Variants in SLC22A25 observed in about 807,000 individuals in gnomAD.
SLC22A25 encodes the protein solute carrier family 22 member 25.
Under a neutral mutation model 45.9 loss-of-function variants are expected in SLC22A25, and 44 were observed. The ratio of observed to expected loss-of-function variants is 0.96; its 90% confidence interval spans 0.75 to 1.23. The LOEUF (loss-of-function observed/expected upper bound fraction) is 1.23. Among genes scored for constraint, SLC22A25 ranks in the 50% most tolerant of loss-of-function variants. The probability of loss-of-function intolerance (pLI) is 0.00; values close to 1 mark genes in which losing one functional copy is unlikely to be tolerated. For synonymous variants in SLC22A25, 283 were observed against 238.6 expected, an observed-to-expected ratio of 1.19 and a Z score of -1.72; for missense variants, 800 against 666.4, an observed-to-expected ratio of 1.20 and a Z score of -2.21.
chr11:63,234,760 T>C (rs1207451549), intron 3 of SLC22A25, among the ~76,000 whole-genome samples: 1 of 152,234 alleles, frequency 6.6e-6, no homozygotes, highest in Non-Finnish European at 1.5e-5. Flanking sequence ...TGGCATGTTG[T>C]TGCAGTGGCT....
intron 9 of SLC22A25, among the ~76,000 whole-genome samples, chr11:63,179,334 C>T (rs903548762): frequency 5.3e-5 from 8 of 151,992 alleles, no homozygotes; most frequent in African/African-American, 1.2e-4. Context: ...TCTGTTTCTT[C>T]GTGTTCTTTG....
chr11:63,188,414 C>T (rs557049103), intron 7 of SLC22A25, among the ~76,000 whole-genome samples: 127 of 152,002 alleles, frequency 8.4e-4, no homozygotes, highest in South Asian at 5.6e-3. Flanking sequence ...TTTTTTATTG[C>T]GTCTATTTGA....
intron 11 of SLC22A25, 41 bp downstream of exon 11, chr11:63,164,485 G>T: frequency 2.6e-6 from 4 of 1,533,108 alleles, no homozygotes; most frequent in Non-Finnish European, 3.6e-6. Flanking sequence ...GTTGAGACAG[G>T]TCCATTTTGA....
Position 63,217,471 on chromosome 11 carries a change from T to G in SLC22A25, c.673A>C (p.Ile225Leu). The stretch of plus-strand genomic sequence containing the variant: ...GCCATGGCACAGAATTGGTGAGTTA[T>G]CCACTCTACAACTGAAAGAAAACAC... ...VNTVLLIVEW[I>L]THQFCAMALT... Residue 225 changes from isoleucine (I) to leucine (L), a missense_variant, in exon 7 of 12, where the codon ATA (isoleucine) becomes CTA (leucine). Ile to Leu is a conservative substitution (Grantham distance 5). Transcript: ENST00000306494. The G allele has an allele frequency of 6.2e-7, 1 of 1,614,016 alleles. No homozygotes were observed. The highest frequency in any genetic ancestry group is 8.5e-7 in the Non-Finnish European group (1 of 1,179,986).
At chr11:63,237,836 A>G (rs1255619888) in intron 3 of SLC22A25, 45 bp downstream of exon 3, 1 of 152,182 alleles carries the variant, frequency 6.6e-6, no homozygotes, top group African/African-American at 2.4e-5. Flanking sequence ...TGCAATAAAT[A>G]TTTCTCAATG....
intron 7 of SLC22A25, among the ~76,000 whole-genome samples, chr11:63,217,020 G>C (rs898061294): frequency 5.3e-5 from 8 of 151,984 alleles, no homozygotes; most frequent in Non-Finnish European, 1.2e-4. Flanking sequence ...TGAATATTTG[G>C]GTGAAATAAA....
chr11:63,204,444 T>A (rs147615918), intron 7 of SLC22A25, among the ~76,000 whole-genome samples: 3 of 152,070 alleles, frequency 2.0e-5, no homozygotes, highest in African/African-American at 7.2e-5. Flanking sequence ...CATAGGCTCA[T>A]AATAAAGGGA....
chr11:63,206,469 A>G (rs1186017039), intron 7 of SLC22A25, among the ~76,000 whole-genome samples: 1 of 152,226 alleles, frequency 6.6e-6, no homozygotes, highest in East Asian at 1.9e-4. Context: ...TGCAAAAATC[A>G]CAAGCATTCC....
intron 7 of SLC22A25, among the ~76,000 whole-genome samples, chr11:63,193,716 C>A (rs980738297): frequency 6.6e-6 from 1 of 152,208 alleles, no homozygotes; most frequent in Non-Finnish European, 1.5e-5. Flanking sequence ...GAAACAAGAG[C>A]AGAAAAGCTG....
chr11:63,182,516 A>G (rs1939737), intron 8 of SLC22A25, among the ~76,000 whole-genome samples: 3,299 of 151,802 alleles, frequency 0.022, 119 homozygotes, highest in African/African-American at 0.075. Context: ...CTTTATATAT[A>G]TTTAGATACA....
At chr11:63,166,456 CTT>C (rs1216667900) in intron 9 of SLC22A25, 198 bp from the exon 10 acceptor site, 1 of 1,406,122 alleles carries the variant, frequency 7.1e-7, no homozygotes, top group Non-Finnish European at 9.2e-7. Context: ...ACAATTGTAT[CTT>C]GAGGGACAAC....
intron 5 of SLC22A25, among the ~76,000 whole-genome samples, chr11:63,224,909 C>A (rs2089927120): frequency 6.6e-6 from 1 of 152,108 alleles, no homozygotes; most frequent in Non-Finnish European, 1.5e-5. Context: ...ACCATCCTGG[C>A]TAACACGGTG....
In SLC22A25 at chr11:63,232,324, T is replaced by A. The variant is rs561378739; in HGVS notation, c.-444-2228A>T. Among the ~76,000 whole-genome samples, 4 of 152,166 alleles carry A rather than the reference T, an allele frequency of 2.6e-5. No individual in the cohort carries two copies. In the South Asian group the frequency reaches 6.2e-4, roughly 24 times the overall value. On this transcript the variant is annotated intron_variant, in intron 3 of 11. Transcript: ENST00000306494. ...TTTATTTGATTGAGCAGTGGTTTGT[T>A]GTTCTCCTTGAAGAGGTCCTTCACA...
At position 63,229,752 on chromosome 11, in the gene SLC22A25, G is replaced by A. The variant is rs1239256225; in HGVS notation, c.-100C>T. ...TTTCCTTAAATCACACTAAGTGTGT[G>A]TGTTGATCCTGACCCCACTCTCTTC... On this transcript the variant is annotated 5_prime_UTR_variant, in exon 4 of 12. Coordinates refer to ENST00000306494, the MANE Select transcript of SLC22A25 (RefSeq NM_199352.6). The A allele has an allele frequency of 8.0e-7, 1 of 1,242,608 alleles. No homozygotes were observed. Among genetic ancestry groups the A allele is most frequent in the African/African-American group, 1.5e-5 (1 of 66,632 alleles). The allele number at this position is 1,242,608 out of a possible 1,614,324, so 77.0% of individuals were successfully genotyped here.
intron 5 of SLC22A25, among the ~76,000 whole-genome samples, chr11:63,225,556 T>A (rs2089944600): frequency 6.6e-6 from 1 of 152,194 alleles, no homozygotes; most frequent in Admixed American, 6.5e-5. Flanking sequence ...GTGTTTAGGA[T>A]TCTTTATTTA....
intron 7 of SLC22A25, among the ~76,000 whole-genome samples, chr11:63,193,514 C>A (rs1344301107): frequency 8.5e-5 from 13 of 152,240 alleles, no homozygotes; most frequent in Non-Finnish European, 1.5e-4. Context: ...GACACCCAGG[C>A]AAACAGGGTC....
At chr11:63,169,040 C>A (rs1338899666) in intron 9 of SLC22A25, among the ~76,000 whole-genome samples, 1 of 152,156 alleles carries the variant, frequency 6.6e-6, no homozygotes, top group African/African-American at 2.4e-5. Flanking sequence ...AAAGAATTTT[C>A]AACCCAGAAT....
At chr11:63,167,970 G>T (rs767837103) in intron 9 of SLC22A25, 2 of 397,338 alleles carry the variant, frequency 5.0e-6, no homozygotes, top group South Asian at 1.7e-5. Flanking sequence ...AGAGGAAGGA[G>T]CAGGCAGGAA....
chr11:63,216,186 T>TAATC (rs2089705838), intron 7 of SLC22A25, among the ~76,000 whole-genome samples: 2 of 152,198 alleles, frequency 1.3e-5, no homozygotes, highest in African/African-American at 4.8e-5. Context: ...CATCTCACAC[T>TAATC]AATCAGAATG....
Sources: gnomAD v4.1 joint callset for allele counts (sites outside exome capture counted in the v4.1 genomes callset) on GRCh38, gnomAD v4.1.1 for gene constraint, MANE v1.5 for transcripts, NCBI Gene and HGNC (gene_info 2026-07-23, HGNC 2026-07-21) for gene names.